The following RASSF9 variants were observed in gnomAD, a reference collection of about 807,000 sequenced individuals.
The protein encoded by RASSF9 is ras association domain-containing protein 9.
Under a neutral mutation model 21.4 loss-of-function variants are expected in RASSF9, and 18 were observed. That is an observed-to-expected ratio of 0.84 (90% CI 0.58 to 1.25). RASSF9 has a LOEUF of 1.25. RASSF9 is among the 50% of genes most tolerant of loss of function. RASSF9 has a pLI of 0.00. For missense variants in RASSF9, 480 were observed against 503.2 expected, an observed-to-expected ratio of 0.95 and a Z score of 0.44; for synonymous variants, 183 against 179.1, an observed-to-expected ratio of 1.02 and a Z score of -0.18.
At chr12:85,834,409 A>G (rs1428292582) in intron 1 of RASSF9, among the ~76,000 whole-genome samples, 2 of 152,020 alleles carry the variant, frequency 1.3e-5, no homozygotes, top group Non-Finnish European at 2.9e-5. Flanking sequence ...GAAAACTTTT[A>G]AAAAATGTTT....
At chr12:85,819,384 A>T (rs1880158656) in intron 1 of RASSF9, among the ~76,000 whole-genome samples, 1 of 152,162 alleles carries the variant, frequency 6.6e-6, no homozygotes, top group African/African-American at 2.4e-5. Context: ...CGTAAAAATT[A>T]GCAAAATATG....
intron 1 of RASSF9, among the ~76,000 whole-genome samples, chr12:85,828,220 G>A (rs879429538): frequency 1.5e-4 from 23 of 152,032 alleles, no homozygotes; most frequent in Non-Finnish European, 2.9e-4. Flanking sequence ...GTCTGACAGA[G>A]TGAGATTTGT....
At position 85,836,370 on chromosome 12, in the gene RASSF9, T is replaced by C. The variant is rs1279381326; in HGVS notation, c.-169A>G. On this transcript the variant is annotated 5_prime_UTR_variant, in exon 1 of 2. Transcript: ENST00000361228. Reference sequence around the variant, plus strand: ...GCCGGCTGAGAAAGTTGCTGGAAGTTGTGCAACTGCTGCTTAACTTTGAAC... The same window carrying C: ...GCCGGCTGAGAAAGTTGCTGGAAGTCGTGCAACTGCTGCTTAACTTTGAAC... The C allele has an allele frequency of 1.4e-6, 2 of 1,394,350 alleles. No homozygotes were observed. The highest frequency in any genetic ancestry group is 1.9e-6 in the Non-Finnish European group (2 of 1,045,120). 86.4% of individuals were successfully genotyped at this position (1,394,350 alleles called of 1,614,324 possible). A position where few individuals can be genotyped will look rare whatever the true frequency, so the allele number is the denominator to read the frequency against.
chr12:85,820,280 G>T (rs7965339), intron 1 of RASSF9, among the ~76,000 whole-genome samples: 27,174 of 152,078 alleles, frequency 0.18, 2,664 homozygotes, highest in African/African-American at 0.22. Context: ...TGCAATGATG[G>T]AGTTGAGCAT....
rs887365105 is a variant in RASSF9, at chr12:85,836,261, G to A, written c.-60C>T. 2.1e-6 allele frequency: 3 copies of A among 1,462,072 alleles called. No homozygotes were observed. Among genetic ancestry groups the A allele is most frequent in the African/African-American group, 2.9e-5 (2 of 69,724 alleles). 90.6% of individuals were successfully genotyped at this position (1,462,072 alleles called of 1,614,324 possible). A position where few individuals can be genotyped will look rare whatever the true frequency, so the allele number is the denominator to read the frequency against. ...AAAGTGATCTGAGGGTGGGGGTGGG[G>A]GTGTCTGGATTTCCAGGGTGAAGGG... On this transcript the variant is annotated 5_prime_UTR_variant, in exon 1 of 2. Coordinates refer to ENST00000361228, the MANE Select transcript of RASSF9 (RefSeq NM_005447.4).
chr12:85,827,275 C>T (rs1330051269), intron 1 of RASSF9, among the ~76,000 whole-genome samples: 1 of 152,136 alleles, frequency 6.6e-6, no homozygotes, highest in Non-Finnish European at 1.5e-5. Flanking sequence ...CCTCATTTTT[C>T]ATCTTCACTC....
At chr12:85,816,699 A>AC (rs1880074383) in intron 1 of RASSF9, among the ~76,000 whole-genome samples, 1 of 152,142 alleles carries the variant, frequency 6.6e-6, no homozygotes, top group South Asian at 2.1e-4. Context: ...CAGAGAAAAA[A>AC]ATTGATTTCT....
intron 1 of RASSF9, among the ~76,000 whole-genome samples, chr12:85,829,789 G>T (rs1880410710): frequency 6.6e-6 from 1 of 151,962 alleles, no homozygotes; most frequent in African/African-American, 2.4e-5. Context: ...CTCTACAGAG[G>T]AATAGCCTTC....
intron 1 of RASSF9, among the ~76,000 whole-genome samples, chr12:85,817,182 T>A (rs1880090532): frequency 6.6e-6 from 1 of 152,146 alleles, no homozygotes; most frequent in Non-Finnish European, 1.5e-5. Flanking sequence ...AATTGTAAAC[T>A]TGTATTTGAG....
chr12:85,808,700 T>C (rs1256379979), intron 1 of RASSF9, among the ~76,000 whole-genome samples: 1 of 151,134 alleles, frequency 6.6e-6, no homozygotes, highest in East Asian at 1.9e-4. Flanking sequence ...TAGTATAACA[T>C]TTTTTGTACC....
chr12:85,818,257 CA>C (rs1350921708), intron 1 of RASSF9, among the ~76,000 whole-genome samples: 2 of 152,140 alleles, frequency 1.3e-5, no homozygotes, highest in Non-Finnish European at 2.9e-5. Flanking sequence ...ACAACCATAT[CA>C]AATAGGTTGT....
At chr12:85,806,208 G>A (rs1592526411) in intron 1 of RASSF9, among the ~76,000 whole-genome samples, 1 of 145,192 alleles carries the variant, frequency 6.9e-6, no homozygotes, top group Non-Finnish European at 1.5e-5. Flanking sequence ...CACCAGGCCC[G>A]GCTAATTTTT....
Position 85,805,418 on chromosome 12 carries a change from GAATAGT to G in RASSF9, c.586_591del (p.Thr196_Ile197del), listed in dbSNP as rs764883847. Reference sequence around the variant, plus strand: ...TCTTTCATTCTCTTGACTTGCTGATGAATAGTATGGTCCTGGGAAATGATCAGATGA... The same window carrying G: ...TCTTTCATTCTCTTGACTTGCTGATGATGGTCCTGGGAAATGATCAGATGA... On this transcript the variant is annotated inframe_deletion, in exon 2 of 2. Coordinates refer to ENST00000361228, the MANE Select transcript of RASSF9 (RefSeq NM_005447.4). 1 of 1,613,824 alleles carries G rather than the reference GAATAGT, an allele frequency of 6.2e-7. No homozygotes were observed. Among genetic ancestry groups the G allele is most frequent in the South Asian group, 1.1e-5 (1 of 91,074 alleles).
chr12:85,836,299 AG>A lies in RASSF9; in HGVS notation c.-99del. On this transcript the variant is annotated 5_prime_UTR_variant, in exon 1 of 2. Transcript: ENST00000361228. ...CCAGGGTGAAGGGAGGAGGGCTGGAAGCTTTCTCTTCTCCTCGGATGTTCCT... is the reference window on the plus strand; with the variant it reads ...CCAGGGTGAAGGGAGGAGGGCTGGAACTTTCTCTTCTCCTCGGATGTTCCT... 1 of 1,539,318 alleles carries A rather than the reference AG, an allele frequency of 6.5e-7. No homozygotes were observed. Among genetic ancestry groups the A allele is most frequent in the Non-Finnish European group, 8.8e-7 (1 of 1,140,954 alleles).
intron 1 of RASSF9, among the ~76,000 whole-genome samples, chr12:85,809,368 A>T (rs1879902276): frequency 6.6e-6 from 1 of 152,094 alleles, no homozygotes; most frequent in Non-Finnish European, 1.5e-5. Context: ...ATGATCGAGG[A>T]AGAACTTTTT....
chr12:85,818,339 T>C (rs530182657), intron 1 of RASSF9, among the ~76,000 whole-genome samples: 4 of 152,172 alleles, frequency 2.6e-5, no homozygotes, highest in Admixed American at 6.5e-5. Flanking sequence ...TACCCTCAGC[T>C]AATAAGTGGA....
At chr12:85,822,991 G>A (rs1431346169) in intron 1 of RASSF9, among the ~76,000 whole-genome samples, 1 of 152,060 alleles carries the variant, frequency 6.6e-6, no homozygotes, top group African/African-American at 2.4e-5. Flanking sequence ...ACGAGGTCAG[G>A]AGATCGAGAC....
chr12:85,824,272 C>G (rs1019011592), intron 1 of RASSF9, among the ~76,000 whole-genome samples: 7 of 152,166 alleles, frequency 4.6e-5, no homozygotes, highest in African/African-American at 1.7e-4. Flanking sequence ...AAATAGTGTT[C>G]CCCACCTGTC....
chr12:85,806,292 C>T (rs1879831973), intron 1 of RASSF9, among the ~76,000 whole-genome samples: 1 of 151,128 alleles, frequency 6.6e-6, no homozygotes, highest in Admixed American at 6.6e-5. Context: ...CCTTGTGATC[C>T]ACCCGTCTCG....
Sources: gnomAD v4.1 joint callset for allele counts (sites outside exome capture counted in the v4.1 genomes callset) on GRCh38, gnomAD v4.1.1 for gene constraint, MANE v1.5 for transcripts, NCBI Gene and HGNC (gene_info 2026-07-23, HGNC 2026-07-21) for gene names.